TRAK2: variants seen among roughly 807,000 people sequenced by gnomAD.
TRAK2 encodes the protein trafficking kinesin protein 2.
In TRAK2, 81 loss-of-function variants were observed where a neutral mutation model predicts 104.6. The observed-to-expected ratio is 0.77, with a 90% CI of 0.65 to 0.93. The LOEUF is 0.93. TRAK2 is among the 40% of genes least tolerant of loss of function. The pLI is 0.00. For missense variants in TRAK2, 1,002 were observed against 1,089.0 expected, an observed-to-expected ratio of 0.92 and a Z score of 1.12; for synonymous variants, 406 against 394.4, an observed-to-expected ratio of 1.03 and a Z score of -0.35.
intron 12 of TRAK2, among the ~76,000 whole-genome samples, chr2:201,388,895 T>A (rs1214104031): frequency 6.6e-6 from 1 of 152,198 alleles, no homozygotes. Context: ...TCAGTAAAGT[T>A]GTTTACCTTC....
intron 4 of TRAK2, 59 bp downstream of exon 4, chr2:201,400,959 A>G: frequency 7.3e-7 from 1 of 1,378,776 alleles, no homozygotes; most frequent in Non-Finnish European, 1.0e-6. Flanking sequence ...AATTTGATAG[A>G]TTCCAAATGA....
At chr2:201,402,385 C>T in intron 3 of TRAK2, among the ~76,000 whole-genome samples, 1 of 151,978 alleles carries the variant, frequency 6.6e-6, no homozygotes, top group East Asian at 1.9e-4. Flanking sequence ...TTACCTATAG[C>T]TTAATTATTA....
In TRAK2 at chr2:201,407,738, T is replaced by C. The variant is rs1351313818; in HGVS notation, c.92-141A>G. 2.4e-5 allele frequency: 17 copies of C among 696,344 alleles called. No individual in the cohort carries two copies. The South Asian group carries it at 4.5e-4, about 19-fold the overall frequency. 43.1% of individuals were successfully genotyped at this position (696,344 alleles called of 1,614,324 possible). A position where few individuals can be genotyped will look rare whatever the true frequency, so the allele number is the denominator to read the frequency against. ...AAGATCATTTCTCCACTGATTTTTA[T>C]TAGTATATCCTAGTAGTATAGTTTT... On this transcript the variant is annotated intron_variant, in intron 2 of 15. Transcript: ENST00000332624.
At chr2:201,404,732 C>G in intron 3 of TRAK2, among the ~76,000 whole-genome samples, 1 of 152,168 alleles carries the variant, frequency 6.6e-6, no homozygotes, top group Non-Finnish European at 1.5e-5. Flanking sequence ...GAATTCTAAT[C>G]TTGCAGCACT....
chr2:201,397,649 T>A, intron 6 of TRAK2, 69 bp from the exon 7 acceptor site: 1 of 1,144,224 alleles, frequency 8.7e-7, no homozygotes, highest in Non-Finnish European at 1.3e-6. Flanking sequence ...CAAAAACCTT[T>A]AATTCTCATT....
intron 1 of TRAK2, among the ~76,000 whole-genome samples, chr2:201,421,740 T>C (rs1951742545): frequency 6.6e-6 from 1 of 152,162 alleles, no homozygotes; most frequent in South Asian, 2.1e-4. Context: ...AGCACTCTTA[T>C]ACCCTGTTGA....
At chr2:201,410,753 G>A in intron 2 of TRAK2, 1 of 1,571,204 alleles carries the variant, frequency 6.4e-7, no homozygotes, top group East Asian at 2.2e-5. Flanking sequence ...CACTGATTTG[G>A]TTTCTGTTGT....
chr2:201,411,958 T>C (rs1951651005), intron 2 of TRAK2: 1 of 955,460 alleles, frequency 1.0e-6, no homozygotes, highest in African/African-American at 1.6e-5. Context: ...CTTCTAGTGC[T>C]CTGTAAACCA....
At position 201,394,880 on chromosome 2, in the gene TRAK2, C is replaced by T. The variant is rs1411776541; in HGVS notation, c.901-8G>A. On this transcript the variant is annotated splice_region_variant and splice_polypyrimidine_tract_variant and intron_variant, in intron 8 of 15. Transcript: ENST00000332624. The stretch of plus-strand genomic sequence containing the variant: ...TTCCTTCTCAATCACATGCTAACAA[C>T]ATATTAAAAAAGACATGTGAAGCCT... 6.2e-7 allele frequency: 1 copy of T among 1,611,498 alleles called. No individual in the cohort carries two copies. The highest frequency in any genetic ancestry group is 1.3e-5 in the African/African-American group (1 of 74,946).
chr2:201,395,270 G>A (rs368528633), intron 8 of TRAK2, 44 bp downstream of exon 8: 4 of 1,528,524 alleles, frequency 2.6e-6, no homozygotes, highest in Non-Finnish European at 3.6e-6. Flanking sequence ...AAGATACTAT[G>A]TGAGTGCTTA....
chr2:201,451,011 T>G (rs1225056828), intron 1 of TRAK2, among the ~76,000 whole-genome samples: 1 of 152,190 alleles, frequency 6.6e-6, no homozygotes, highest in Non-Finnish European at 1.5e-5. Flanking sequence ...GCTTAAGGTT[T>G]AATGCCCGAC....
At chr2:201,387,406 T>A (rs1436732666) in intron 13 of TRAK2, among the ~76,000 whole-genome samples, 1 of 152,196 alleles carries the variant, frequency 6.6e-6, no homozygotes, top group Non-Finnish European at 1.5e-5. Flanking sequence ...CCATGGAAAC[T>A]GCTGTCAATG....
At chr2:201,389,768 G>T in intron 11 of TRAK2, 33 bp downstream of exon 11, 1 of 1,530,410 alleles carries the variant, frequency 6.5e-7, no homozygotes, top group Non-Finnish European at 8.9e-7. Context: ...CTATTCCAAT[G>T]ATTGAGTAAC....
At chr2:201,436,112 G>C (rs531396621) in intron 1 of TRAK2, among the ~76,000 whole-genome samples, 3 of 151,888 alleles carry the variant, frequency 2.0e-5, no homozygotes, top group East Asian at 1.9e-4. Context: ...TTTTTCAACA[G>C]AAAATTATGT....
intron 10 of TRAK2, among the ~76,000 whole-genome samples, chr2:201,391,855 G>C (rs895607220): frequency 6.6e-6 from 1 of 152,142 alleles, no homozygotes. Context: ...TCACGAAAGA[G>C]AAATAAAGAC....
intron 2 of TRAK2, chr2:201,419,596 T>C (rs1309633351): frequency 1.3e-5 from 2 of 154,292 alleles, no homozygotes; most frequent in Non-Finnish European, 2.9e-5. Flanking sequence ...GAACTTTCTG[T>C]GGGATAATAA....
intron 5 of TRAK2, among the ~76,000 whole-genome samples, chr2:201,399,112 G>T (rs1183479715): frequency 6.6e-6 from 1 of 151,966 alleles, no homozygotes; most frequent in Non-Finnish European, 1.5e-5. Flanking sequence ...AAAGGGTATG[G>T]ATAGTTTTAA....
At chr2:201,421,766 G>A (rs1303156374) in intron 1 of TRAK2, among the ~76,000 whole-genome samples, 3 of 152,038 alleles carry the variant, frequency 2.0e-5, no homozygotes, top group African/African-American at 7.2e-5. Context: ...GTGCAAATTG[G>A]GGCTGGGCAT....
At chr2:201,449,532 T>C (rs1951993712) in intron 1 of TRAK2, among the ~76,000 whole-genome samples, 1 of 144,792 alleles carries the variant, frequency 6.9e-6, no homozygotes, top group Non-Finnish European at 1.5e-5. Context: ...TTGCCCAGAC[T>C]GGAGTGCAAT....
Sources: allele counts gnomAD v4.1 joint callset (sites outside exome capture counted in the v4.1 genomes callset), GRCh38; gene constraint gnomAD v4.1.1; transcripts MANE v1.5; gene names NCBI Gene and HGNC (gene_info 2026-07-23, HGNC 2026-07-21).